Variants in IQGAP2 observed in about 807,000 individuals in gnomAD.
The protein encoded by IQGAP2 is ras GTPase-activating-like protein IQGAP2.
A neutral mutation model predicts 201.3 loss-of-function variants in IQGAP2; 173 were observed. The observed-to-expected ratio is 0.86, with a 90% CI of 0.76 to 0.98. IQGAP2 has a LOEUF of 0.98. IQGAP2 is among the 50% of genes least tolerant of loss of function. IQGAP2 has a pLI of 0.00. For missense variants in IQGAP2, 1,687 were observed against 1,864.8 expected, an observed-to-expected ratio of 0.90 and a Z score of 1.76; for synonymous variants, 675 against 673.9, an observed-to-expected ratio of 1.00 and a Z score of -0.03.
chr5:76,656,199 T>G (rs997357077), intron 20 of IQGAP2, among the ~76,000 whole-genome samples: 8 of 146,074 alleles, frequency 5.5e-5, no homozygotes, highest in Non-Finnish European at 9.0e-5. Flanking sequence ...TTTTTGTTGG[T>G]TTTTTTTGTT....
intron 35 of IQGAP2, among the ~76,000 whole-genome samples, chr5:76,704,720 C>T (rs1046118453): frequency 1.3e-5 from 2 of 152,200 alleles, no homozygotes; most frequent in African/African-American, 4.8e-5. Flanking sequence ...GCACAGATTG[C>T]ATACCCACGG....
chr5:76,650,270 A>G (rs976030833), intron 17 of IQGAP2, among the ~76,000 whole-genome samples: 1 of 152,238 alleles, frequency 6.6e-6, no homozygotes, highest in Non-Finnish European at 1.5e-5. Flanking sequence ...TTGTGTGTAC[A>G]ATGATGGGGT....
intron 17 of IQGAP2, among the ~76,000 whole-genome samples, chr5:76,649,958 G>T (rs553911093): frequency 5.3e-5 from 8 of 152,358 alleles, no homozygotes; most frequent in South Asian, 4.1e-4. Context: ...CTTACAGCTT[G>T]CACCCTCTGA....
chr5:76,643,313 A>T (rs1032774590), intron 17 of IQGAP2, among the ~76,000 whole-genome samples: 10 of 152,244 alleles, frequency 6.6e-5, no homozygotes, highest in African/African-American at 2.4e-4. Context: ...TGCAAATTAG[A>T]CACTGAACAT....
chr5:76,443,053 T>C (rs1351888932), intron 1 of IQGAP2, among the ~76,000 whole-genome samples: 1 of 152,168 alleles, frequency 6.6e-6, no homozygotes, highest in Non-Finnish European at 1.5e-5. Context: ...CCACACGTAA[T>C]CTGCTCAAAT....
At chr5:76,705,114 AGAT>A in intron 35 of IQGAP2, among the ~76,000 whole-genome samples, 1 of 152,276 alleles carries the variant, frequency 6.6e-6, no homozygotes, top group South Asian at 2.1e-4. Flanking sequence ...TTCCTCTCCT[AGAT>A]GAAGAACTGA....
intron 2 of IQGAP2, among the ~76,000 whole-genome samples, chr5:76,500,154 G>GA (rs965078164): frequency 5.3e-5 from 8 of 151,810 alleles, no homozygotes; most frequent in East Asian, 1.9e-4. Flanking sequence ...TTGAAAGGGG[G>GA]AAAAAAAGCC....
chr5:76,665,758 A>G (rs1289458965), intron 22 of IQGAP2, among the ~76,000 whole-genome samples: 1 of 152,202 alleles, frequency 6.6e-6, no homozygotes, highest in Non-Finnish European at 1.5e-5. Context: ...GTGAGAACTG[A>G]TAAGTTTGAC....
At chr5:76,661,332 G>C (rs530497992) in intron 21 of IQGAP2, among the ~76,000 whole-genome samples, 1 of 152,156 alleles carries the variant, frequency 6.6e-6, no homozygotes, top group South Asian at 2.1e-4. Flanking sequence ...AGAAGACAGA[G>C]CAACTGAAAT....
In IQGAP2 at chr5:76,403,618, C is replaced by G. The variant is rs1485601371; in HGVS notation, c.46+27C>G. 2.0e-6 allele frequency: 3 copies of G among 1,509,778 alleles called. No individual in the cohort carries two copies. The highest frequency in any genetic ancestry group is 1.2e-5 in the South Asian group (1 of 80,324). The allele number at this position is 1,509,778 out of a possible 1,614,324, so 93.5% of individuals were successfully genotyped here. A position where few individuals can be genotyped will look rare whatever the true frequency, so the allele number is the denominator to read the frequency against. ...TAAGTGCGCCGGGCGCGCGGGGTTC[C>G]TGCTGGCCTTGGGGAGCTCCCTCCC... On this transcript the variant is annotated intron_variant, in intron 1 of 35. Transcript: ENST00000274364. This position sits in a 1 kb window ranked among gnomAD's most constrained non-coding sequence, Gnocchi z 4.8.
chr5:76,700,193 G>T (rs2150558648), intron 33 of IQGAP2, among the ~76,000 whole-genome samples: 1 of 152,214 alleles, frequency 6.6e-6, no homozygotes, highest in South Asian at 2.1e-4. Flanking sequence ...CCACAGTCGG[G>T]CGAATTGGAT....
chr5:76,564,041 T>C (rs764136207), intron 3 of IQGAP2, among the ~76,000 whole-genome samples: 19 of 152,212 alleles, frequency 1.2e-4, no homozygotes, highest in Non-Finnish European at 2.5e-4. Flanking sequence ...TGAATAATGT[T>C]ATAAATAAAA....
chr5:76,520,230 G>A (rs1156917444), intron 2 of IQGAP2, among the ~76,000 whole-genome samples: 1 of 151,968 alleles, frequency 6.6e-6, no homozygotes. Context: ...TAAGTTAAGG[G>A]GGGTTTTTTG....
intron 17 of IQGAP2, among the ~76,000 whole-genome samples, chr5:76,649,414 G>C (rs938292620): frequency 6.6e-6 from 1 of 152,174 alleles, no homozygotes; most frequent in Non-Finnish European, 1.5e-5. Context: ...TTCCCTCAAA[G>C]AATGACTACA....
At chr5:76,430,773 A>G (rs772248097) in intron 1 of IQGAP2, among the ~76,000 whole-genome samples, 1 of 152,250 alleles carries the variant, frequency 6.6e-6, no homozygotes, top group Non-Finnish European at 1.5e-5. Context: ...CAGGAAAGCT[A>G]TATCAAGAAT....
At chr5:76,657,857 G>A (rs750634906) in intron 20 of IQGAP2, among the ~76,000 whole-genome samples, 3 of 152,204 alleles carry the variant, frequency 2.0e-5, no homozygotes, top group African/African-American at 4.8e-5. Flanking sequence ...GTGCTCAAAG[G>A]ACAAGGGCCA....
chr5:76,414,918 A>C (rs1751331029), intron 1 of IQGAP2, among the ~76,000 whole-genome samples: 1 of 152,376 alleles, frequency 6.6e-6, no homozygotes, highest in South Asian at 2.1e-4. Flanking sequence ...AGTGGAGCTT[A>C]TAATGTGCTT....
chr5:76,403,510 G>A lies in IQGAP2; in HGVS notation c.-36G>A. On this transcript the variant is annotated 5_prime_UTR_variant, in exon 1 of 36. Transcript: ENST00000274364. The surrounding 1 kb of genome is among the most constrained non-coding windows in gnomAD (Gnocchi z 4.8). ...CCTGGCCAGCGAGGGTAGCCGCGGG[G>A]GGCGCGCCCCGGGCGGGCCCCCGGA... is the stretch of plus-strand genomic sequence containing the variant. The A allele has an allele frequency of 6.9e-7, 1 of 1,448,050 alleles. No individual in the cohort carries two copies. The highest frequency in any genetic ancestry group is 9.0e-7 in the Non-Finnish European group (1 of 1,107,512). 89.7% of individuals were successfully genotyped at this position (1,448,050 alleles called of 1,614,324 possible).
chr5:76,475,219 A>T (rs1273863526), intron 2 of IQGAP2, among the ~76,000 whole-genome samples: 1 of 152,208 alleles, frequency 6.6e-6, no homozygotes, highest in Non-Finnish European at 1.5e-5. Context: ...GGGTGGAGGC[A>T]TGAAAAAGCA....
Sources: allele counts gnomAD v4.1 joint callset (sites outside exome capture counted in the v4.1 genomes callset), GRCh38; gene constraint gnomAD v4.1.1; non-coding constraint Gnocchi (gnomAD v3.1); transcripts MANE v1.5; gene names NCBI Gene and HGNC (gene_info 2026-07-23, HGNC 2026-07-21).